Variants in SRGAP3 observed in about 807,000 individuals in gnomAD.
SRGAP3 encodes SLIT-ROBO Rho GTPase-activating protein 3.
In SRGAP3, 39 loss-of-function variants were observed where a neutral mutation model predicts 121.1. The observed-to-expected ratio is 0.32, with a 90% CI of 0.25 to 0.42. The LOEUF (loss-of-function observed/expected upper bound fraction) is 0.42, where lower values mean the gene tolerates loss of function less well. Ranked by LOEUF, SRGAP3 falls within the 10% of genes least tolerant of loss-of-function variation. The pLI is 1.00. For missense variants in SRGAP3, 1,213 were observed against 1,470.6 expected (o/e 0.82, Z 2.86); for synonymous variants, 601 against 570.0 (o/e 1.05, Z -0.77).
At chr3:9,113,507 C>G (rs1948702323) in intron 2 of SRGAP3, among the ~76,000 whole-genome samples, 1 of 152,122 alleles carries the variant, frequency 6.6e-6, no homozygotes, top group Non-Finnish European at 1.5e-5. Flanking sequence ...CTGATTACTT[C>G]TATAAAGACC....
intron 1 of SRGAP3, among the ~76,000 whole-genome samples, chr3:9,179,247 C>T (rs1560354793): frequency 1.3e-5 from 2 of 152,254 alleles, no homozygotes; most frequent in Admixed American, 6.5e-5. Context: ...TATGTTAGGT[C>T]GAGATGCACA....
At chr3:9,337,503 A>G (rs1955712353) in intron 1 of SRGAP3, 1 of 152,200 alleles carries the variant, frequency 6.6e-6, no homozygotes, top group Non-Finnish European at 1.5e-5. Flanking sequence ...TCATGAATAG[A>G]TTAATGCTGT....
At chr3:9,249,726 A>T (rs890826068), upstream of SRGAP3, 1 of 226,904 alleles carries the variant, frequency 4.4e-6, no homozygotes, top group Non-Finnish European at 8.8e-6. Context: ...ATAACAACTG[A>T]CACATTGTAG....
Position 9,340,259 on chromosome 3 carries a change from C to A in SRGAP3, n.215-9663G>T, listed in dbSNP as rs149871884. Among the ~76,000 whole-genome samples the A allele has an allele frequency of 1.5e-3, 222 of 152,350 alleles. 1 individual carries two copies. Among genetic ancestry groups the A allele is most frequent in the African/African-American group, 5.0e-3 (210 of 41,594 alleles). On this transcript the variant is annotated intron_variant and non_coding_transcript_variant, in intron 1 of 3. Transcript: ENST00000490889. ...TCTATTTTGTTTATAGATTTAATAT[C>A]TGGCACTATTCCTCCAAAGAGCTCA...
At chr3:9,361,253 T>C (rs919134012) in intron 1 of SRGAP3, among the ~76,000 whole-genome samples, 3 of 152,004 alleles carry the variant, frequency 2.0e-5, no homozygotes, top group African/African-American at 7.3e-5. Context: ...CAGGTGAGTG[T>C]CACCATGCCT....
intron 1 of SRGAP3, among the ~76,000 whole-genome samples, chr3:9,353,710 G>A (rs1415375431): frequency 6.6e-6 from 1 of 152,184 alleles, no homozygotes; most frequent in East Asian, 1.9e-4. Flanking sequence ...TCGGGTTAAA[G>A]GTTCATGGAC....
In SRGAP3 at chr3:9,045,947, T is replaced by C. The variant is rs143751505; in HGVS notation, c.1408+1444A>G. On this transcript the variant is annotated intron_variant, in intron 10 of 21. Coordinates refer to ENST00000383836, the MANE Select transcript of SRGAP3 (RefSeq NM_014850.4). ...GCACCCACACCCTGAGCTCCACTCTTGGACTCTCTCCCTTTCTCCTCCATT... is the reference window on the plus strand; with the variant it reads ...GCACCCACACCCTGAGCTCCACTCTCGGACTCTCTCCCTTTCTCCTCCATT... 2.3e-3 allele frequency among the ~76,000 whole-genome samples: 355 copies of C among 152,224 alleles called. 1 individual carries two copies. The highest frequency in any genetic ancestry group is 7.9e-3 in the African/African-American group (328 of 41,546).
chr3:9,057,081 T>TTTG (rs545785715), intron 7 of SRGAP3, among the ~76,000 whole-genome samples: 1 of 152,124 alleles, frequency 6.6e-6, no homozygotes, highest in African/African-American at 2.4e-5. Flanking sequence ...TTGTTTGTTT[T>TTTG]TTGTTGTTGT....
rs766958753 is a variant in SRGAP3, at chr3:9,063,124, C to CTT, written c.672+1270_672+1271dup. On this transcript the variant is annotated intron_variant, in intron 5 of 21. Transcript: ENST00000383836. ...TTTAATCACTAATAATAGAGACAAT[C>CTT]TTTTTTTTTTTTTTTTTTTTTTTTT... is the stretch of plus-strand genomic sequence containing the variant. Among the ~76,000 whole-genome samples the CTT allele has an allele frequency of 5.6e-3, 449 of 80,010 alleles. 54 individuals carry two copies. Among genetic ancestry groups the CTT allele is most frequent in the African/African-American group, 0.021 (399 of 19,078 alleles). 52.5% of individuals were successfully genotyped at this position (80,010 alleles called of 152,430 possible).
intron 1 of SRGAP3, among the ~76,000 whole-genome samples, chr3:9,340,749 G>T (rs1955773301): frequency 6.6e-6 from 1 of 152,168 alleles, no homozygotes; most frequent in African/African-American, 2.4e-5. Flanking sequence ...CTGTGGAAGA[G>T]ATGTTGGACT....
intron 1 of SRGAP3, among the ~76,000 whole-genome samples, chr3:9,156,633 C>A (rs1023006649): frequency 2.6e-5 from 4 of 152,182 alleles, no homozygotes; most frequent in African/African-American, 9.7e-5. Flanking sequence ...TGGGACTCTG[C>A]CTGTCAAGGG....
intron 4 of SRGAP3, among the ~76,000 whole-genome samples, chr3:9,074,633 C>T (rs770168616): frequency 6.6e-6 from 1 of 152,224 alleles, no homozygotes; most frequent in African/African-American, 2.4e-5. Flanking sequence ...CAGGGTGGAG[C>T]TGGGACCAGA....
intron 2 of SRGAP3, among the ~76,000 whole-genome samples, chr3:9,121,704 C>T (rs1286561160): frequency 6.6e-6 from 1 of 152,068 alleles, no homozygotes; most frequent in Non-Finnish European, 1.5e-5. Context: ...GAATAGGGTG[C>T]CCCCCCATAT....
At chr3:9,227,089 G>A (rs1953012600) in intron 1 of SRGAP3, among the ~76,000 whole-genome samples, 2 of 152,160 alleles carry the variant, frequency 1.3e-5, no homozygotes, top group South Asian at 2.1e-4. Flanking sequence ...CCATTGGAAG[G>A]GAACAGCCAA....
rs575870206 is a variant in SRGAP3, at chr3:9,089,362, G to A, written c.424-9275C>T. 1.9e-3 allele frequency among the ~76,000 whole-genome samples: 273 copies of A among 146,208 alleles called. 9 individuals carry two copies. The South Asian group carries it at 0.06, about 32-fold the overall frequency. ...CCCCAAGGTTGCACAGCTAGAAAGT[G>A]GCAGAGCCAAGATTCATCTTTTTGA... On this transcript the variant is annotated intron_variant, in intron 3 of 21. Transcript: ENST00000383836.
At chr3:9,323,962 TCA>T (rs2125283425) in intron 3 of SRGAP3, among the ~76,000 whole-genome samples, 1 of 151,890 alleles carries the variant, frequency 6.6e-6, no homozygotes, top group East Asian at 1.9e-4. Context: ...CACAACAGAT[TCA>T]CAAAGACTCC....
intron 3 of SRGAP3, among the ~76,000 whole-genome samples, chr3:9,090,138 C>T (rs1947691171): frequency 6.6e-6 from 1 of 152,062 alleles, no homozygotes; most frequent in African/African-American, 2.4e-5. Context: ...CCGAAATGAC[C>T]ACTGAATGAG....
chr3:9,206,099 C>T (rs1485507117), intron 1 of SRGAP3, among the ~76,000 whole-genome samples: 2 of 152,062 alleles, frequency 1.3e-5, no homozygotes, highest in Admixed American at 6.6e-5. Context: ...TGAACATACA[C>T]TTAAAAATGG....
chr3:9,015,893 T>C (rs1943614741), intron 14 of SRGAP3, 162 bp from the exon 15 acceptor site: 17 of 717,106 alleles, frequency 2.4e-5, no homozygotes, highest in Admixed American at 5.2e-5. Flanking sequence ...AGTTTAAAGT[T>C]CTCCCTGCAA....
Sources: gnomAD v4.1 joint callset for allele counts (sites outside exome capture counted in the v4.1 genomes callset) on GRCh38, gnomAD v4.1.1 for gene constraint, MANE v1.5 for transcripts, NCBI Gene and HGNC (gene_info 2026-07-23, HGNC 2026-07-21) for gene names.